The following PLS1 variants were observed in gnomAD, a reference collection of about 807,000 sequenced individuals.
The protein encoded by PLS1 is plastin-1.
In PLS1, 32 loss-of-function variants were observed where a neutral mutation model predicts 73.7. The observed-to-expected ratio is 0.43, with a 90% CI of 0.33 to 0.58. PLS1 has a LOEUF of 0.58. PLS1 is among the 20% of genes least tolerant of loss of function. The pLI is 0.04. For missense variants in PLS1, 633 were observed against 740.5 expected, an observed-to-expected ratio of 0.85 and a Z score of 1.68; for synonymous variants, 217 against 261.3, an observed-to-expected ratio of 0.83 and a Z score of 1.63.
intron 1 of PLS1, among the ~76,000 whole-genome samples, chr3:142,636,916 G>A (rs144031769): frequency 2.0e-4 from 31 of 152,286 alleles, no homozygotes; most frequent in South Asian, 6.2e-4. Context: ...ATCATACCAC[G>A]TGTTGGTGAA....
At chr3:142,678,276 TTTA>T (rs1242940862) in intron 6 of PLS1, among the ~76,000 whole-genome samples, 163 bp downstream of exon 6, 6 of 151,524 alleles carry the variant, frequency 4.0e-5, no homozygotes, top group East Asian at 3.9e-4. Flanking sequence ...TTTATTTTAT[TTTA>T]TTATTATTAT....
intron 2 of PLS1, among the ~76,000 whole-genome samples, chr3:142,668,016 A>G (rs2037515365): frequency 6.6e-6 from 1 of 152,220 alleles, no homozygotes; most frequent in Admixed American, 6.5e-5. Flanking sequence ...GAGAGTTCCA[A>G]AGAAAAGTTT....
chr3:142,619,835 T>C lies in PLS1; in HGVS notation c.-37+23326T>C, dbSNP rs116731028. 2.6e-3 allele frequency among the ~76,000 whole-genome samples: 389 copies of C among 152,322 alleles called. 4 individuals are homozygous for C. Among genetic ancestry groups the C allele is most frequent in the African/African-American group, 9.0e-3 (376 of 41,560 alleles). ...TTAGAGGTGAGGTTTCCAATTCATC[T>C]TTTTCTAAATATGTTAATTCATATT... On this transcript the variant is annotated intron_variant, in intron 1 of 15. Coordinates refer to ENST00000457734, the MANE Select transcript of PLS1 (RefSeq NM_001145319.2).
chr3:142,711,625 A>C lies in PLS1; in HGVS notation c.1754A>C (p.Lys585Thr). The C allele has an allele frequency of 6.2e-7, 1 of 1,600,764 alleles. No homozygotes were observed. The highest frequency in any genetic ancestry group is 2.2e-5 in the East Asian group (1 of 44,562). ...LSDEDKLNNA[K>T]YAISVARKIG... ...GATGAGGACAAGCTGAACAATGCTAAGTAAGCCTTTATGGTTTATATTACA... is the reference window on the plus strand; with the variant it reads ...GATGAGGACAAGCTGAACAATGCTACGTAAGCCTTTATGGTTTATATTACA... Residue 585 changes from lysine to threonine, a missense_variant and splice_region_variant, in exon 15 of 16, where the codon AAA (lysine) becomes ACA (threonine). Lys to Thr is a moderately conservative substitution (Grantham distance 78). Coordinates refer to ENST00000457734, the MANE Select transcript of PLS1 (RefSeq NM_001145319.2).
chr3:142,623,321 G>C (rs964735961), intron 1 of PLS1: 2 of 146,856 alleles, frequency 1.4e-5, no homozygotes, highest in East Asian at 4.0e-4. Flanking sequence ...TTTGCCTCTT[G>C]ATTTTTTTAT....
chr3:142,611,442 T>G (rs2036119003), intron 1 of PLS1, among the ~76,000 whole-genome samples: 2 of 152,176 alleles, frequency 1.3e-5, no homozygotes, highest in African/African-American at 4.8e-5. Context: ...GGCTACATAG[T>G]GAGATCTTGT....
At chr3:142,655,488 A>C (rs751107387) in intron 1 of PLS1, among the ~76,000 whole-genome samples, 1 of 152,082 alleles carries the variant, frequency 6.6e-6, no homozygotes, top group Non-Finnish European at 1.5e-5. Context: ...TGGGAGGCTG[A>C]GGTGGGTGGA....
At chr3:142,703,658 A>C (rs527452330) in intron 12 of PLS1, among the ~76,000 whole-genome samples, 1 of 152,142 alleles carries the variant, frequency 6.6e-6, no homozygotes, top group African/African-American at 2.4e-5. Flanking sequence ...TTGTTCCTCT[A>C]TCTAGGTTAA....
At chr3:142,699,564 A>C (rs2038283413) in intron 12 of PLS1, among the ~76,000 whole-genome samples, 1 of 152,224 alleles carries the variant, frequency 6.6e-6, no homozygotes, top group Non-Finnish European at 1.5e-5. Flanking sequence ...TGTTCTGCAC[A>C]TGTATACCAG....
chr3:142,607,293 T>TA (rs1577764803), intron 1 of PLS1, among the ~76,000 whole-genome samples: 11 of 151,500 alleles, frequency 7.3e-5, no homozygotes, highest in African/African-American at 9.7e-5. Context: ...TATATATATA[T>TA]TTTTTGAGAC....
intron 5 of PLS1, among the ~76,000 whole-genome samples, chr3:142,677,311 T>G (rs1045803440): frequency 6.6e-6 from 1 of 152,284 alleles, no homozygotes; most frequent in African/African-American, 2.4e-5. Context: ...GGAATACTGA[T>G]GATCATTAAG....
At chr3:142,658,441 A>T (rs112283117) in intron 1 of PLS1, among the ~76,000 whole-genome samples, 2 of 149,748 alleles carry the variant, frequency 1.3e-5, no homozygotes, top group Admixed American at 6.7e-5. Flanking sequence ...ATGCCACTGC[A>T]CTCCAGCCTG....
intron 1 of PLS1, among the ~76,000 whole-genome samples, chr3:142,606,999 G>C (rs2036031883): frequency 6.6e-6 from 1 of 152,040 alleles, no homozygotes; most frequent in South Asian, 2.1e-4. Flanking sequence ...GCATTTCGAG[G>C]AACTGCCAAA....
chr3:142,655,461 C>T (rs969728297), intron 1 of PLS1, among the ~76,000 whole-genome samples: 6 of 152,120 alleles, frequency 3.9e-5, no homozygotes, highest in African/African-American at 9.7e-5. Flanking sequence ...TGGCTCATGC[C>T]TGTAATCCCA....
chr3:142,682,605 T>A (rs941399268), intron 6 of PLS1, among the ~76,000 whole-genome samples: 2 of 152,230 alleles, frequency 1.3e-5, no homozygotes, highest in South Asian at 4.1e-4. Flanking sequence ...ATTGGCTTAA[T>A]TTTCAGTCCA....
chr3:142,675,729 G>C (rs1577876096), intron 4 of PLS1, among the ~76,000 whole-genome samples: 1 of 149,146 alleles, frequency 6.7e-6, no homozygotes, highest in East Asian at 2.0e-4. Context: ...AGGCTAAAGT[G>C]CAGTGGCAGG....
At chr3:142,651,462 C>CAAAAA (rs57909380) in intron 1 of PLS1, among the ~76,000 whole-genome samples, 2 of 102,290 alleles carry the variant, frequency 2.0e-5, no homozygotes, top group Non-Finnish European at 3.8e-5. Context: ...AACTCTGTCT[C>CAAAAA]AAAAAAAAAA....
chr3:142,638,805 G>A (rs928394118), intron 1 of PLS1, among the ~76,000 whole-genome samples: 4 of 151,734 alleles, frequency 2.6e-5, no homozygotes, highest in Admixed American at 6.6e-5. Context: ...GTAATGGTGC[G>A]ATCTCAGCTC....
intron 1 of PLS1, among the ~76,000 whole-genome samples, chr3:142,651,487 A>C (rs869105289): frequency 5.5e-5 from 8 of 146,090 alleles, no homozygotes; most frequent in South Asian, 2.2e-4. Flanking sequence ...AAAAAAAAAA[A>C]CCCAAAAAAC....
Sources: gnomAD v4.1 joint callset for allele counts (sites outside exome capture counted in the v4.1 genomes callset) on GRCh38, gnomAD v4.1.1 for gene constraint, MANE v1.5 for transcripts, NCBI Gene and HGNC (gene_info 2026-07-23, HGNC 2026-07-21) for gene names.